Variants in INVS observed in about 807,000 individuals in gnomAD.
INVS encodes the protein inversin, also known as inversion of embryo turning homolog.
Under a neutral mutation model 108.8 loss-of-function variants are expected in INVS, and 86 were observed. That is an observed-to-expected ratio of 0.79 (90% CI 0.66 to 0.95). The LOEUF (loss-of-function observed/expected upper bound fraction) is 0.95. INVS is among the 40% of genes least tolerant of loss of function. The probability of loss-of-function intolerance (pLI) is 0.00; values close to 1 mark genes in which losing one functional copy is unlikely to be tolerated. For synonymous variants in INVS, 455 were observed against 473.5 expected (o/e 0.96, Z 0.51); for missense variants, 1,169 against 1,297.4 (o/e 0.90, Z 1.52).
In INVS at chr9:100,226,267, G is replaced by C. The variant is rs1174106000; in HGVS notation, c.447+32G>C. 4 of 1,592,050 alleles carry C rather than the reference G, an allele frequency of 2.5e-6. No homozygotes were observed. The South Asian group carries it at 4.5e-5, about 18-fold the overall frequency. ...GATACTCAAAATCAAAGACTAATAA[G>C]ACCAGAAAGCAAATGCTTCCTTTTA... On this transcript the variant is annotated intron_variant, in intron 4 of 16. Coordinates refer to ENST00000262457, the MANE Select transcript of INVS (RefSeq NM_014425.5).
chr9:100,280,929 A>T (rs935197842), intron 12 of INVS, among the ~76,000 whole-genome samples: 27 of 152,182 alleles, frequency 1.8e-4, no homozygotes, highest in South Asian at 8.3e-4. Flanking sequence ...CTCTACAAAA[A>T]TTTTTTTTAA....
At chr9:100,298,610 G>C (rs573988276) in intron 16 of INVS, among the ~76,000 whole-genome samples, 1 of 122,674 alleles carries the variant, frequency 8.2e-6, no homozygotes, top group East Asian at 2.5e-4. Context: ...ATGGCAACAC[G>C]CTCCCCCCTG....
intron 11 of INVS, among the ~76,000 whole-genome samples, chr9:100,265,894 T>C (rs796240247): frequency 3.9e-5 from 6 of 152,260 alleles, no homozygotes; most frequent in African/African-American, 1.4e-4. Context: ...CTGGCCAACA[T>C]GGTGAAACCC....
At chr9:100,185,539 A>G (rs1016760430) in intron 3 of INVS, among the ~76,000 whole-genome samples, 2 of 120,362 alleles carry the variant, frequency 1.7e-5, no homozygotes, top group Non-Finnish European at 3.8e-5. Context: ...ATATATATAT[A>G]TATATATATA....
At chr9:100,100,846 A>AATATATGTATATATAATATATATATT (rs1564111983) in intron 1 of INVS, among the ~76,000 whole-genome samples, 142 of 4,870 alleles carry the variant, frequency 0.029, 17 homozygotes, top group Non-Finnish European at 0.038. Context: ...ATATATATAT[A>AATATATGTATATATAATATATATATT]ATATATGTAT....
Position 100,120,263 on chromosome 9 carries a change from C to A in INVS, c.107-6120C>A, listed in dbSNP as rs188167250. 3.4e-3 allele frequency among the ~76,000 whole-genome samples: 518 copies of A among 152,222 alleles called. 3 individuals carry two copies. The highest frequency in any genetic ancestry group is 9.2e-3 in the Admixed American group (140 of 15,284). On this transcript the variant is annotated intron_variant, in intron 2 of 16. Coordinates refer to ENST00000262457, the MANE Select transcript of INVS (RefSeq NM_014425.5). ...AAATACATTCAAACTTACACAGATTCCTTATAAATTACTGCTATCAAGGTA... is the reference window on the plus strand; with the variant it reads ...AAATACATTCAAACTTACACAGATTACTTATAAATTACTGCTATCAAGGTA...
chr9:100,225,966 A>G, intron 3 of INVS, 96 bp from the exon 4 acceptor site: 2 of 803,004 alleles, frequency 2.5e-6, no homozygotes, highest in Non-Finnish European at 4.1e-6. Flanking sequence ...TTATTACTCT[A>G]GGAGAATAAT....
intron 13 of INVS, among the ~76,000 whole-genome samples, chr9:100,289,026 G>C (rs535513380): frequency 9.2e-5 from 14 of 152,238 alleles, no homozygotes; most frequent in African/African-American, 3.1e-4. Context: ...CACATCCCGG[G>C]ATCTTTACAT....
chr9:100,292,949 C>T lies in INVS; in HGVS notation c.2692C>T (p.Leu898Phe). The change falls in exon 14 of 17, where the codon CTC becomes TTC. Residue 898 changes from leucine to phenylalanine, a missense_variant. Leu to Phe is a conservative substitution (Grantham distance 22). Transcript: ENST00000262457. ...GAATATTGACCTTCTCCCCGTAGAG[C>T]TCCGACTGCAGATAATTCAGAGAGA... Reference protein sequence around the residue: ...SVNIDLLPVELRLQIIQRERR... With the variant: ...SVNIDLLPVEFRLQIIQRERR... 1 of 1,613,082 alleles carries T rather than the reference C, an allele frequency of 6.2e-7. No homozygotes were observed. Among genetic ancestry groups the T allele is most frequent in the Non-Finnish European group, 8.5e-7 (1 of 1,179,052 alleles).
chr9:100,119,759 C>T (rs1827666910), intron 2 of INVS, among the ~76,000 whole-genome samples: 1 of 152,174 alleles, frequency 6.6e-6, no homozygotes, highest in Non-Finnish European at 1.5e-5. Context: ...TGGGGTTTCA[C>T]CATGTTAGCC....
intron 11 of INVS, among the ~76,000 whole-genome samples, chr9:100,271,696 T>C (rs1287424229): frequency 1.3e-5 from 2 of 152,240 alleles, no homozygotes; most frequent in African/African-American, 4.8e-5. Context: ...TACTCTCTCA[T>C]GTTAGTCTAA....
intron 2 of INVS, among the ~76,000 whole-genome samples, chr9:100,126,080 T>G (rs545294216): frequency 1.3e-5 from 2 of 152,234 alleles, no homozygotes; most frequent in East Asian, 3.9e-4. Context: ...CAAGAGTGAG[T>G]GAGGGAGGAA....
intron 3 of INVS, among the ~76,000 whole-genome samples, chr9:100,184,943 A>G (rs754248624): frequency 1.2e-4 from 18 of 152,156 alleles, no homozygotes; most frequent in South Asian, 2.1e-4. Flanking sequence ...CTATAAAGCT[A>G]TTTCTTACCT....
At chr9:100,278,328 T>C (rs1225124444) in intron 12 of INVS, among the ~76,000 whole-genome samples, 1 of 150,828 alleles carries the variant, frequency 6.6e-6, no homozygotes, top group Non-Finnish European at 1.5e-5. Context: ...CTGCCTGAAA[T>C]AACCTCTCAG....
intron 12 of INVS, among the ~76,000 whole-genome samples, chr9:100,277,117 T>C (rs1247383152): frequency 6.6e-6 from 1 of 152,232 alleles, no homozygotes; most frequent in Admixed American, 6.5e-5. Flanking sequence ...CAAGAAGTCC[T>C]GTACCTCTCA....
chr9:100,139,798 C>T (rs1042679381), intron 3 of INVS, among the ~76,000 whole-genome samples: 4 of 152,088 alleles, frequency 2.6e-5, no homozygotes, highest in South Asian at 2.1e-4. Context: ...CGTACCACTA[C>T]GCCCAGCTAA....
intron 3 of INVS, among the ~76,000 whole-genome samples, chr9:100,140,642 G>A (rs556270994): frequency 1.3e-5 from 2 of 152,246 alleles, no homozygotes; most frequent in East Asian, 3.9e-4. Context: ...GTGGTGAAGT[G>A]TTGGGACAGC....
At chr9:100,120,064 G>A (rs140337535) in intron 2 of INVS, among the ~76,000 whole-genome samples, 11 of 152,138 alleles carry the variant, frequency 7.2e-5, no homozygotes, top group African/African-American at 1.2e-4. Flanking sequence ...ACAAGTTACC[G>A]TGCTTCAAAT....
chr9:100,252,677 G>A (rs1011378921), intron 9 of INVS, among the ~76,000 whole-genome samples: 15 of 152,216 alleles, frequency 9.9e-5, no homozygotes, highest in African/African-American at 3.6e-4. Context: ...TATATAAAGG[G>A]GGACTGATTC....
Sources: allele counts gnomAD v4.1 joint callset (sites outside exome capture counted in the v4.1 genomes callset), GRCh38; gene constraint gnomAD v4.1.1; transcripts MANE v1.5; gene names NCBI Gene and HGNC (gene_info 2026-07-23, HGNC 2026-07-21).